The following UIMC1 variants were observed in gnomAD, a reference collection of about 807,000 sequenced individuals.
UIMC1 encodes the protein BRCA1-A complex subunit RAP80.
A neutral mutation model predicts 84.9 loss-of-function variants in UIMC1; 42 were observed. The ratio of observed to expected loss-of-function variants is 0.49; its 90% CI spans 0.39 to 0.64. The LOEUF (loss-of-function observed/expected upper bound fraction) is 0.64. Ranked by LOEUF, UIMC1 falls within the 30% of genes least tolerant of loss-of-function variation. UIMC1 has a pLI of 0.00. For missense variants in UIMC1, 825 were observed against 847.6 expected (o/e 0.97, Z 0.33); for synonymous variants, 281 against 293.0 (o/e 0.96, Z 0.42).
intron 1 of UIMC1, among the ~76,000 whole-genome samples, chr5:176,991,528 G>A (rs569630579): frequency 6.7e-6 from 1 of 149,534 alleles, no homozygotes; most frequent in South Asian, 2.1e-4. Context: ...AGACCAGCCT[G>A]ACCAACATGG....
intron 10 of UIMC1, among the ~76,000 whole-genome samples, chr5:176,939,676 T>C (rs1030757388): frequency 2.6e-5 from 4 of 152,184 alleles, no homozygotes; most frequent in Admixed American, 2.0e-4. Context: ...TCTATGATGT[T>C]TGCACAACAA....
chr5:176,938,835 G>A (rs1004887988), intron 10 of UIMC1, among the ~76,000 whole-genome samples: 56 of 151,982 alleles, frequency 3.7e-4, no homozygotes, highest in African/African-American at 1.3e-3. Context: ...ATTCACTTGT[G>A]TCATCTTTTA....
intron 6 of UIMC1, among the ~76,000 whole-genome samples, chr5:176,967,952 A>G (rs550913639): frequency 9.2e-5 from 14 of 152,014 alleles, no homozygotes; most frequent in African/African-American, 2.9e-4. Flanking sequence ...TGGTTTATCT[A>G]TGGTAGAATA....
At chr5:177,007,518 C>T (rs1775407987), upstream of UIMC1, among the ~76,000 whole-genome samples, 1 of 152,100 alleles carries the variant, frequency 6.6e-6, no homozygotes, top group Admixed American at 6.6e-5. Flanking sequence ...TATACTACAA[C>T]AAATAAAACA....
At chr5:176,932,277 T>C (rs530370833) in intron 10 of UIMC1, among the ~76,000 whole-genome samples, 1 of 152,308 alleles carries the variant, frequency 6.6e-6, no homozygotes, top group East Asian at 1.9e-4. Flanking sequence ...AAAACATCCT[T>C]CCTTAAATGT....
intron 1 of UIMC1, among the ~76,000 whole-genome samples, chr5:177,015,415 G>A (rs1775649373): frequency 6.6e-6 from 1 of 152,152 alleles, no homozygotes; most frequent in Non-Finnish European, 1.5e-5. Flanking sequence ...TTCAAGATAT[G>A]ACGGCTATCT....
intron 10 of UIMC1, among the ~76,000 whole-genome samples, chr5:176,913,294 C>T (rs1431321554): frequency 6.6e-6 from 1 of 152,180 alleles, no homozygotes; most frequent in East Asian, 1.9e-4. Flanking sequence ...GGTATTATTA[C>T]TTTTCCCCAG....
rs761176781 is a variant in UIMC1 at position 176,969,028 on chromosome 5, A to G, written c.727T>C (p.Phe243Leu). Residue 243 changes from phenylalanine to leucine, a missense_variant, in exon 6 of 15, where the codon TTT (phenylalanine) becomes CTT (leucine). Transcript: ENST00000511320. ...PQESTGRGSA[F>L]LKAVQGSGDT... ...CCGCTACCCTGGACAGCTTTGAGAA[A>G]AGCAGAACCCCTCCCAGTACTTTCC... 3 of 1,614,198 alleles carry G rather than the reference A, an allele frequency of 1.9e-6. No individual in the cohort carries two copies. The East Asian group carries it at 6.7e-5, about 36-fold the overall frequency.
intron 1 of UIMC1, among the ~76,000 whole-genome samples, chr5:177,017,749 C>A (rs1320227610): frequency 6.7e-6 from 1 of 149,938 alleles, no homozygotes; most frequent in Admixed American, 6.7e-5. Flanking sequence ...TCACTGCAGG[C>A]TCAAGTGATC....
intron 11 of UIMC1, among the ~76,000 whole-genome samples, chr5:176,909,832 C>G (rs763288438): frequency 6.6e-6 from 1 of 152,162 alleles, no homozygotes; most frequent in Non-Finnish European, 1.5e-5. Context: ...GCATAAGAGG[C>G]AGGAGTTTCA....
intron 10 of UIMC1, among the ~76,000 whole-genome samples, chr5:176,912,565 C>T (rs1760376614): frequency 6.6e-6 from 1 of 151,824 alleles, no homozygotes; most frequent in Admixed American, 6.6e-5. Flanking sequence ...CTCTGCCTCC[C>T]GAGTTCAAGT....
chr5:176,957,917 T>C (rs1192541805), intron 7 of UIMC1, among the ~76,000 whole-genome samples, 176 bp downstream of exon 7: 1 of 152,252 alleles, frequency 6.6e-6, no homozygotes, highest in Non-Finnish European at 1.5e-5. Context: ...TCTGGGCTTC[T>C]ATGAGATGCA....
At chr5:176,938,090 T>C (rs752938092) in intron 10 of UIMC1, among the ~76,000 whole-genome samples, 33 of 148,992 alleles carry the variant, frequency 2.2e-4, no homozygotes, top group South Asian at 1.7e-3. Context: ...CTCGGGAGGC[T>C]GAGGCAGAAG....
At chr5:176,966,431 C>A (rs1768319191) in intron 6 of UIMC1, among the ~76,000 whole-genome samples, 1 of 152,148 alleles carries the variant, frequency 6.6e-6, no homozygotes, top group Non-Finnish European at 1.5e-5. Flanking sequence ...CTATGAAGCT[C>A]CTCAAAGTTA....
intron 10 of UIMC1, among the ~76,000 whole-genome samples, chr5:176,939,102 A>AC (rs1764089149): frequency 6.6e-6 from 1 of 151,802 alleles, no homozygotes; most frequent in Non-Finnish European, 1.5e-5. Context: ...AAGAAAATAT[A>AC]AAAAACTAGC....
intron 6 of UIMC1, among the ~76,000 whole-genome samples, chr5:176,960,403 A>G (rs1490517314): frequency 2.6e-5 from 4 of 152,212 alleles, no homozygotes; most frequent in Non-Finnish European, 4.4e-5. Context: ...TTCTTCCAGA[A>G]TATGAACACA....
chr5:176,947,828 A>G (rs74789270), intron 9 of UIMC1, among the ~76,000 whole-genome samples: 14,870 of 151,938 alleles, frequency 0.098, 1,526 homozygotes, highest in African/African-American at 0.26. Flanking sequence ...AAGAAAAAAA[A>G]AAAAATTATA....
In UIMC1 at chr5:176,968,625, T is replaced by C; in HGVS notation, c.1130A>G (p.Gln377Arg). The change falls in exon 6 of 15, where the codon CAG becomes CGG. Residue 377 changes from glutamine to arginine, a missense_variant. Gln to Arg is a conservative substitution (Grantham distance 43). Coordinates refer to ENST00000511320, the MANE Select transcript of UIMC1 (RefSeq NM_001199298.2). ...TTTCAAGCTTTTAATTGAGCTTTCC[T>C]GGAAATCCTTGGTTTTTGAGTGCCA... ...SDWHSKTKDF[Q>R]ESSIKSLKEK... 6.2e-7 allele frequency: 1 copy of C among 1,613,688 alleles called. No individual in the cohort carries two copies. The highest frequency in any genetic ancestry group is 8.5e-7 in the Non-Finnish European group (1 of 1,179,910).
At chr5:176,918,575 A>G (rs1246089711) in intron 10 of UIMC1, among the ~76,000 whole-genome samples, 1 of 152,210 alleles carries the variant, frequency 6.6e-6, no homozygotes, top group Non-Finnish European at 1.5e-5. Context: ...CCTATCATTA[A>G]TGATGAGCTC....
Sources: gnomAD v4.1 joint callset for allele counts (sites outside exome capture counted in the v4.1 genomes callset) on GRCh38, gnomAD v4.1.1 for gene constraint, MANE v1.5 for transcripts, NCBI Gene and HGNC (gene_info 2026-07-23, HGNC 2026-07-21) for gene names.